The following SPIC variants were observed in gnomAD, a reference collection of about 807,000 sequenced individuals.
SPIC encodes transcription factor Spi-C.
SPIC carries 9 observed loss-of-function variants against 16.7 expected under a neutral mutation model. The observed-to-expected ratio is 0.54, with a 90% CI of 0.33 to 0.94. The LOEUF is 0.94. Among genes scored for constraint, SPIC ranks in the 40% least tolerant of loss-of-function variants. SPIC has a pLI of 0.03. For synonymous variants in SPIC, 97 were observed against 102.9 expected, an observed-to-expected ratio of 0.94 and a Z score of 0.35; for missense variants, 241 against 285.8, an observed-to-expected ratio of 0.84 and a Z score of 1.13.
intron 3 of SPIC, among the ~76,000 whole-genome samples, chr12:101,479,240 G>A (rs1227090674): frequency 0.021 from 1,154 of 55,792 alleles, 40 homozygotes; most frequent in Middle Eastern, 0.04. Flanking sequence ...AAGAAAGAAA[G>A]AAAAAGAAAG....
At chr12:101,486,158 G>A (rs1565833277) in intron 5 of SPIC, among the ~76,000 whole-genome samples, 186 bp from the exon 6 acceptor site, 1 of 152,146 alleles carries the variant, frequency 6.6e-6, no homozygotes, top group Non-Finnish European at 1.5e-5. Context: ...ACTTCAATAG[G>A]CCAAATAGAT....
At chr12:101,480,277 A>G (rs1158320956) in intron 4 of SPIC, among the ~76,000 whole-genome samples, 1 of 152,202 alleles carries the variant, frequency 6.6e-6, no homozygotes, top group African/African-American at 2.4e-5. Flanking sequence ...CAGGATGTTA[A>G]TATCAGTTGC....
chr12:101,484,342 T>C (rs1246744853), intron 5 of SPIC, among the ~76,000 whole-genome samples: 1 of 151,284 alleles, frequency 6.6e-6, no homozygotes, highest in Non-Finnish European at 1.5e-5. Flanking sequence ...GAGACGAACC[T>C]GGCCAACATG....
chr12:101,482,761 C>G (rs200715373), intron 4 of SPIC, 31 bp from the exon 5 acceptor site: 1 of 1,582,612 alleles, frequency 6.3e-7, no homozygotes, highest in East Asian at 2.3e-5. Flanking sequence ...GGGAAAGTCT[C>G]ACTTAACATC....
intron 5 of SPIC, 61 bp from the exon 6 acceptor site, chr12:101,486,283 T>G: frequency 6.6e-7 from 1 of 1,511,428 alleles, no homozygotes; most frequent in Non-Finnish European, 8.9e-7. Context: ...ACAAACCCTT[T>G]CTGAGGATGT....
intron 1 of SPIC, among the ~76,000 whole-genome samples, chr12:101,475,888 C>G (rs958597374): frequency 3.3e-5 from 5 of 151,982 alleles, no homozygotes; most frequent in East Asian, 1.9e-4. Flanking sequence ...CTTCTATTTT[C>G]TTTTAACTGA....
At position 101,479,217 on chromosome 12, in the gene SPIC, A is replaced by AAAGAAAGAAAG. The variant is rs1463385330; in HGVS notation, c.98-360_98-359insAGAAAGAAGAA. 1.9e-4 allele frequency among the ~76,000 whole-genome samples: 25 copies of AAAGAAAGAAAG among 128,224 alleles called. 1 individual carries two copies. Among genetic ancestry groups the AAAGAAAGAAAG allele is most frequent in the Non-Finnish European group, 3.4e-4 (20 of 59,316 alleles). 84.1% of individuals were successfully genotyped at this position (128,224 alleles called of 152,430 possible). ...GAAAGAAAGAAAGAAAGAAAGAAAG[A>AAAGAAAGAAAG]AAGAAGGAAAGAAAGAAAGAAAGAA... On this transcript the variant is annotated intron_variant, in intron 3 of 5. Coordinates refer to ENST00000551346, the MANE Select transcript of SPIC (RefSeq NM_152323.3).
rs201566792 is a variant in SPIC at position 101,479,818 on chromosome 12, C to T, written c.210+124C>T. 4.3e-4 allele frequency: 157 copies of T among 363,324 alleles called. No individual in the cohort carries two copies. In the Middle Eastern group the frequency reaches 7.0e-3, roughly 16 times the overall value. The allele number at this position is 363,324 out of a possible 1,614,324, so 22.5% of individuals were successfully genotyped here. ...TGACTATGAAAATGGTTTTTTCTTT[C>T]TTTTTTTTTTTTTTTTGAGATGGAG... On this transcript the variant is annotated intron_variant, in intron 4 of 5. Coordinates refer to ENST00000551346, the MANE Select transcript of SPIC (RefSeq NM_152323.3).
At chr12:101,478,652 C>T (rs1298770242) in intron 3 of SPIC, among the ~76,000 whole-genome samples, 3 of 152,152 alleles carry the variant, frequency 2.0e-5, no homozygotes, top group Non-Finnish European at 2.9e-5. Flanking sequence ...TAACTATTCA[C>T]GAAAGGCTTT....
At chr12:101,481,947 C>A (rs1873213454) in intron 4 of SPIC, among the ~76,000 whole-genome samples, 1 of 127,792 alleles carries the variant, frequency 7.8e-6, no homozygotes, top group African/African-American at 2.9e-5. Flanking sequence ...GCCACCATGC[C>A]TGGCGTACAA....
At chr12:101,478,269 G>A (rs1172248591) in intron 3 of SPIC, among the ~76,000 whole-genome samples, 1 of 152,048 alleles carries the variant, frequency 6.6e-6, no homozygotes, top group African/African-American at 2.4e-5. Context: ...CTGACCTCGT[G>A]ATCCGCCCAT....
intron 5 of SPIC, among the ~76,000 whole-genome samples, chr12:101,484,689 G>C (rs758452949): frequency 1.3e-5 from 2 of 149,850 alleles, no homozygotes; most frequent in African/African-American, 2.5e-5. Flanking sequence ...AAAAATTATA[G>C]GCCAGGCATG....
In SPIC at chr12:101,476,843, T is replaced by G. The variant is rs1169701782; in HGVS notation, c.-62T>G. The G allele has an allele frequency of 4.2e-6, 5 of 1,184,004 alleles. No individual in the cohort carries two copies. Among genetic ancestry groups the G allele is most frequent in the Non-Finnish European group, 5.8e-6 (5 of 867,956 alleles). The allele number at this position is 1,184,004 out of a possible 1,614,324, so 73.3% of individuals were successfully genotyped here. On this transcript the variant is annotated 5_prime_UTR_variant, in exon 2 of 6. Transcript: ENST00000551346. ...ACTTTTTCAGGATTGTCAACTTATT[T>G]TATTTTATTTTCTTCAAGCAACAAT...
At position 101,479,216 on chromosome 12, in the gene SPIC, GA is replaced by G. The variant is rs1256589666; in HGVS notation, c.98-363del. ...AGAAAGAAAGAAAGAAAGAAAGAAA[GA>G]AAGAAGGAAAGAAAGAAAGAAAGAA... is the stretch of plus-strand genomic sequence containing the variant. On this transcript the variant is annotated intron_variant, in intron 3 of 5. Coordinates refer to ENST00000551346, the MANE Select transcript of SPIC (RefSeq NM_152323.3). 1.4e-3 allele frequency among the ~76,000 whole-genome samples: 160 copies of G among 116,600 alleles called. 3 individuals carry two copies. Among genetic ancestry groups the G allele is most frequent in the Non-Finnish European group, 2.0e-3 (110 of 53,762 alleles). 76.5% of individuals were successfully genotyped at this position (116,600 alleles called of 152,430 possible).
chr12:101,479,182 AAG>A (rs1873065045), intron 3 of SPIC, among the ~76,000 whole-genome samples: 2 of 116,380 alleles, frequency 1.7e-5, no homozygotes, highest in African/African-American at 7.1e-5. Flanking sequence ...AAAAGAAAGA[AAG>A]AAAGAAAGAA....
chr12:101,480,016 C>T (rs1200087826), intron 4 of SPIC, among the ~76,000 whole-genome samples: 1 of 152,004 alleles, frequency 6.6e-6, no homozygotes, highest in Non-Finnish European at 1.5e-5. Flanking sequence ...AGGATTTCCA[C>T]ATATTGGCCA....
intron 4 of SPIC, 98 bp downstream of exon 4, chr12:101,479,792 T>C (rs966851986): frequency 4.8e-6 from 4 of 838,120 alleles, no homozygotes; most frequent in Admixed American, 6.0e-5. Context: ...AAAGACAGCA[T>C]TGACTATGAA....
chr12:101,482,403 T>A (rs1334869715), intron 4 of SPIC, among the ~76,000 whole-genome samples: 1 of 152,122 alleles, frequency 6.6e-6, no homozygotes, highest in Non-Finnish European at 1.5e-5. Flanking sequence ...ATTGTTTTCA[T>A]TACTTATTTT....
At chr12:101,483,534 G>T (rs1213801910) in intron 5 of SPIC, among the ~76,000 whole-genome samples, 1 of 152,020 alleles carries the variant, frequency 6.6e-6, no homozygotes, top group African/African-American at 2.4e-5. Context: ...TAAGTAGAAG[G>T]AGTACAATCT....
Sources: gnomAD v4.1 joint callset for allele counts (sites outside exome capture counted in the v4.1 genomes callset) on GRCh38, gnomAD v4.1.1 for gene constraint, MANE v1.5 for transcripts, NCBI Gene and HGNC (gene_info 2026-07-23, HGNC 2026-07-21) for gene names.